Variants in RFX8 observed in about 807,000 individuals in gnomAD.
RFX8 encodes regulatory factor X8, also known as DNA-binding protein RFX8.
Under a neutral mutation model 54.6 loss-of-function variants are expected in RFX8, and 46 were observed. The observed-to-expected ratio is 0.84, with a 90% CI of 0.67 to 1.08. RFX8 has a LOEUF of 1.08. Among genes scored for constraint, RFX8 ranks in the 50% least tolerant of loss-of-function variants. The pLI is 0.00. For synonymous variants in RFX8, 192 were observed against 209.5 expected, an observed-to-expected ratio of 0.92 and a Z score of 0.72; for missense variants, 536 against 562.3, an observed-to-expected ratio of 0.95 and a Z score of 0.47.
intron 6 of RFX8, 53 bp downstream of exon 6, chr2:101,417,481 C>CA: frequency 6.7e-7 from 1 of 1,497,484 alleles, no homozygotes; most frequent in Non-Finnish European, 9.0e-7. Context: ...GCTGGGATTA[C>CA]AGGCATGAGC....
chr2:101,466,024 G>A (rs1689555695), intron 2 of RFX8, among the ~76,000 whole-genome samples: 1 of 152,134 alleles, frequency 6.6e-6, no homozygotes, highest in Non-Finnish European at 1.5e-5. Flanking sequence ...TTCCACAAAT[G>A]AACAGAAGTT....
chr2:101,409,892 G>A (rs1685996633), intron 9 of RFX8, among the ~76,000 whole-genome samples: 1 of 152,044 alleles, frequency 6.6e-6, no homozygotes, highest in African/African-American at 2.4e-5. Flanking sequence ...GGCATTCTCA[G>A]CTCTCCACTG....
At chr2:101,438,331 T>G (rs1006761707) in intron 2 of RFX8, among the ~76,000 whole-genome samples, 1 of 152,248 alleles carries the variant, frequency 6.6e-6, no homozygotes, top group Non-Finnish European at 1.5e-5. Flanking sequence ...TACAGCTGAA[T>G]AGTACTCCAC....
At chr2:101,418,043 C>T (rs1686637345) in intron 5 of RFX8, among the ~76,000 whole-genome samples, 1 of 152,136 alleles carries the variant, frequency 6.6e-6, no homozygotes, top group South Asian at 2.1e-4. Context: ...GTGCATGCCA[C>T]CACACCTGGC....
chr2:101,401,326 A>G (rs1484633739), intron 11 of RFX8, among the ~76,000 whole-genome samples: 1 of 152,136 alleles, frequency 6.6e-6, no homozygotes, highest in African/African-American at 2.4e-5. Context: ...TTGCTCAGTA[A>G]CAGGTGTGCA....
intron 2 of RFX8, among the ~76,000 whole-genome samples, chr2:101,440,201 G>T (rs1286017885): frequency 6.6e-6 from 1 of 151,956 alleles, no homozygotes; most frequent in Admixed American, 6.6e-5. Flanking sequence ...ATATCCACAG[G>T]GTTATGCAGC....
In RFX8 at chr2:101,440,550, G is replaced by A. The variant is rs555272195; in HGVS notation, c.73-18078C>T. Among the ~76,000 whole-genome samples, 7 of 152,298 alleles carry A rather than the reference G, an allele frequency of 4.6e-5. No individual in the cohort carries two copies. The South Asian group carries it at 1.5e-3, about 32-fold the overall frequency. Reference sequence around the variant, plus strand: ...TTGCTGCATTTCATTGCTGGGGGAGGAGTGAACTTTGTATGATCCCTCATG... The same window carrying A: ...TTGCTGCATTTCATTGCTGGGGGAGAAGTGAACTTTGTATGATCCCTCATG... On this transcript the variant is annotated intron_variant, in intron 2 of 11. Coordinates refer to ENST00000428343, the MANE Select transcript of RFX8 (RefSeq NM_001145664.2).
In RFX8 at chr2:101,438,494, T is replaced by C. The variant is rs142584698; in HGVS notation, c.73-16022A>G. ...TTACAGTCACCTAATGAAGGACATC[T>C]AGGCTGATTCCAGTTTTGGGCTATT... is the stretch of plus-strand genomic sequence containing the variant. On this transcript the variant is annotated intron_variant, in intron 2 of 11. Coordinates refer to ENST00000428343, the MANE Select transcript of RFX8 (RefSeq NM_001145664.2). 1.2e-3 allele frequency among the ~76,000 whole-genome samples: 185 copies of C among 152,342 alleles called. 3 individuals are homozygous for C. The highest frequency in any genetic ancestry group is 4.3e-3 in the African/African-American group (180 of 41,582).
chr2:101,426,639 T>G (rs370496523), intron 2 of RFX8, among the ~76,000 whole-genome samples: 1 of 152,192 alleles, frequency 6.6e-6, no homozygotes, highest in Non-Finnish European at 1.5e-5. Context: ...TAAATGCAGT[T>G]TGAGATTTTG....
intron 9 of RFX8, among the ~76,000 whole-genome samples, chr2:101,409,424 C>A (rs13388476): frequency 0.17 from 25,273 of 151,618 alleles, 3,194 homozygotes; most frequent in African/African-American, 0.35. Flanking sequence ...GACGGGGTTT[C>A]ACCGTGTTAG....
chr2:101,427,013 A>G (rs1276332052), intron 2 of RFX8, among the ~76,000 whole-genome samples: 1 of 152,152 alleles, frequency 6.6e-6, no homozygotes, highest in Non-Finnish European at 1.5e-5. Context: ...CACCTCGCCC[A>G]GTGTGCTGCT....
intron 11 of RFX8, 121 bp from the exon 12 acceptor site, chr2:101,397,845 G>C: frequency 1.3e-6 from 1 of 756,162 alleles, no homozygotes; most frequent in Non-Finnish European, 2.0e-6. Flanking sequence ...ATGTAAAGGA[G>C]AAGTTCATGC....
At chr2:101,449,275 G>A (rs1285412031) in intron 2 of RFX8, among the ~76,000 whole-genome samples, 9 of 152,198 alleles carry the variant, frequency 5.9e-5, no homozygotes, top group Non-Finnish European at 1.0e-4. Flanking sequence ...AAGCACTCAC[G>A]TGTTTCTGAG....
At chr2:101,456,640 C>T (rs934628793) in intron 2 of RFX8, among the ~76,000 whole-genome samples, 2 of 152,052 alleles carry the variant, frequency 1.3e-5, no homozygotes, top group African/African-American at 4.8e-5. Context: ...ATTTTCGTAT[C>T]GATGTTCATC....
chr2:101,428,359 C>T (rs1479581521), intron 2 of RFX8, among the ~76,000 whole-genome samples: 1 of 152,224 alleles, frequency 6.6e-6, no homozygotes, highest in Non-Finnish European at 1.5e-5. Flanking sequence ...TTAGTGCTTG[C>T]TCCCTCTCTT....
At chr2:101,400,406 G>A (rs1321744496) in intron 11 of RFX8, among the ~76,000 whole-genome samples, 1 of 152,082 alleles carries the variant, frequency 6.6e-6, no homozygotes, top group African/African-American at 2.4e-5. Context: ...CAGCTGGCTG[G>A]ACTTCTACAA....
chr2:101,451,476 T>C (rs1190397032), intron 2 of RFX8, among the ~76,000 whole-genome samples: 1 of 151,242 alleles, frequency 6.6e-6, no homozygotes, highest in Non-Finnish European at 1.5e-5. Flanking sequence ...TCATCTGAGG[T>C]CAGGAGTTTG....
At chr2:101,469,077 TAA>T (rs1246330455) in intron 1 of RFX8, among the ~76,000 whole-genome samples, 2,414 of 12,836 alleles carry the variant, frequency 0.19, 125 homozygotes, top group Middle Eastern at 0.33. Context: ...TATATATATA[TAA>T]GTGTATATAT....
intron 9 of RFX8, among the ~76,000 whole-genome samples, chr2:101,410,115 C>G (rs1289888064): frequency 6.6e-6 from 1 of 152,116 alleles, no homozygotes; most frequent in Non-Finnish European, 1.5e-5. Flanking sequence ...TTTCCACACT[C>G]CCTTTGCTGC....
Sources: allele counts gnomAD v4.1 joint callset (sites outside exome capture counted in the v4.1 genomes callset), GRCh38; gene constraint gnomAD v4.1.1; transcripts MANE v1.5; gene names NCBI Gene and HGNC (gene_info 2026-07-23, HGNC 2026-07-21).